The following STIL variants were observed in gnomAD, a reference collection of about 807,000 sequenced individuals.
The protein encoded by STIL is STIL centriolar assembly protein.
STIL carries 55 observed loss-of-function variants against 110.1 expected under a neutral mutation model. That is an observed-to-expected ratio of 0.50 (90% CI 0.40 to 0.63). The LOEUF (loss-of-function observed/expected upper bound fraction) is 0.63. STIL is among the 20% of genes least tolerant of loss of function. The pLI is 0.00. For synonymous variants in STIL, 481 were observed against 530.0 expected (o/e 0.91, Z 1.27); for missense variants, 1,358 against 1,530.0 (o/e 0.89, Z 1.87).
intron 11 of STIL, among the ~76,000 whole-genome samples, chr1:47,281,770 T>C (rs1645164208): frequency 6.6e-6 from 1 of 152,170 alleles, no homozygotes; most frequent in South Asian, 2.1e-4. Flanking sequence ...TAATTTGATA[T>C]TAGCTTTAAA....
intron 11 of STIL, 36 bp from the exon 12 acceptor site, chr1:47,281,245 T>C (rs976425214): frequency 6.3e-7 from 1 of 1,589,366 alleles, no homozygotes; most frequent in Admixed American, 1.7e-5. Context: ...AAAAAGTATT[T>C]TTTTGGAGAA....
At chr1:47,289,167 T>C (rs1164135520) in intron 9 of STIL, among the ~76,000 whole-genome samples, 2 of 151,836 alleles carry the variant, frequency 1.3e-5, no homozygotes, top group Non-Finnish European at 2.9e-5. Flanking sequence ...ACTGATATAT[T>C]CTTCAAAGAT....
chr1:47,302,407 C>T lies in STIL; in HGVS notation c.153-61G>A. The T allele has an allele frequency of 7.6e-6, 9 of 1,184,602 alleles. No individual in the cohort carries two copies. In the South Asian group the frequency reaches 1.1e-4, roughly 15 times the overall value. The allele number at this position is 1,184,602 out of a possible 1,614,324, so 73.4% of individuals were successfully genotyped here. A position where few individuals can be genotyped will look rare whatever the true frequency, so the allele number is the denominator to read the frequency against. On this transcript the variant is annotated intron_variant, in intron 3 of 16. Transcript: ENST00000371877. ...CCTCATATCTTAAAAAAACCTCCTGCCATAAAATGCTGTCTAAATTATAAC... is the reference window on the plus strand; with the variant it reads ...CCTCATATCTTAAAAAAACCTCCTGTCATAAAATGCTGTCTAAATTATAAC...
chr1:47,272,992 C>T (rs1378003449), intron 12 of STIL, among the ~76,000 whole-genome samples: 1 of 152,092 alleles, frequency 6.6e-6, no homozygotes, highest in Admixed American at 6.5e-5. Context: ...TACTGAGCGC[C>T]TGTTGTTTGC....
chr1:47,307,946 T>C (rs577622395), intron 2 of STIL, among the ~76,000 whole-genome samples: 1 of 152,320 alleles, frequency 6.6e-6, no homozygotes, highest in South Asian at 2.1e-4. Context: ...CCCAGGCTTA[T>C]TAGGAAGAGG....
intron 10 of STIL, among the ~76,000 whole-genome samples, chr1:47,286,264 C>A (rs1417492672): frequency 6.6e-6 from 1 of 152,054 alleles, no homozygotes; most frequent in Non-Finnish European, 1.5e-5. Context: ...GCCTGCCCCC[C>A]ACCACTAGTT....
chr1:47,314,150 GGC>G (rs1388138072), upstream of STIL: 1 of 152,328 alleles, frequency 6.6e-6, no homozygotes, highest in Non-Finnish European at 1.5e-5. Flanking sequence ...CGGGAACTGA[GGC>G]GGCAAACACA....
At chr1:47,262,878 G>T in intron 15 of STIL, 25 bp downstream of exon 15, 4 of 1,607,038 alleles carry the variant, frequency 2.5e-6, no homozygotes, top group Non-Finnish European at 3.4e-6. Context: ...TTCTCAAAAA[G>T]ATGAAATGCT....
At chr1:47,276,835 A>C (rs926712925) in intron 12 of STIL, among the ~76,000 whole-genome samples, 1 of 151,036 alleles carries the variant, frequency 6.6e-6, no homozygotes. Context: ...AAAAAAAAAA[A>C]AAAACCATCT....
In STIL at chr1:47,251,052, G is replaced by A. The variant is rs1644168209; in HGVS notation, c.*84C>T. The stretch of plus-strand genomic sequence containing the variant: ...GAAACAGTGACTCCAGAATGATCAG[G>A]AGCCTTGTGGTAGGCTCCTGTTTTC... On this transcript the variant is annotated 3_prime_UTR_variant, in exon 17 of 17. Transcript: ENST00000371877. The A allele has an allele frequency of 9.6e-6, 13 of 1,350,516 alleles. No individual in the cohort carries two copies. The highest frequency in any genetic ancestry group is 1.2e-5 in the Non-Finnish European group (12 of 979,310). The allele number at this position is 1,350,516 out of a possible 1,614,324, so 83.7% of individuals were successfully genotyped here.
chr1:47,292,059 G>C (rs1482270208), intron 8 of STIL, among the ~76,000 whole-genome samples: 1 of 147,670 alleles, frequency 6.8e-6, no homozygotes, highest in Non-Finnish European at 1.5e-5. Flanking sequence ...ACAGAGTCTT[G>C]CTATGGTACC....
chr1:47,272,584 G>A (rs1644874381), intron 12 of STIL, among the ~76,000 whole-genome samples: 1 of 151,728 alleles, frequency 6.6e-6, no homozygotes, highest in Non-Finnish European at 1.5e-5. Flanking sequence ...GGGGTGGCTG[G>A]GATGACAGCC....
chr1:47,255,138 C>T (rs550884289), intron 16 of STIL, among the ~76,000 whole-genome samples: 15 of 151,650 alleles, frequency 9.9e-5, no homozygotes, highest in Non-Finnish European at 2.1e-4. Context: ...AAAAAAAAAT[C>T]AATAATACTC....
chr1:47,262,777 T>G, intron 15 of STIL, 126 bp downstream of exon 15: 1 of 814,242 alleles, frequency 1.2e-6, no homozygotes, highest in Non-Finnish European at 1.9e-6. Flanking sequence ...AAAATTACAT[T>G]GTTAATTAGA....
At chr1:47,286,315 T>A (rs923866652) in intron 10 of STIL, among the ~76,000 whole-genome samples, 5 of 152,146 alleles carry the variant, frequency 3.3e-5, no homozygotes, top group Non-Finnish European at 5.9e-5. Flanking sequence ...ATTTCAATAT[T>A]CCAACTTCAA....
intron 1 of STIL, chr1:47,312,831 T>C (rs1053082105): frequency 6.6e-6 from 1 of 152,184 alleles, no homozygotes; most frequent in Non-Finnish European, 1.5e-5. Flanking sequence ...GCAAAACATA[T>C]TCTCAGGTAA....
intron 3 of STIL, among the ~76,000 whole-genome samples, chr1:47,303,935 T>C (rs1272477063): frequency 6.6e-6 from 1 of 152,210 alleles, no homozygotes; most frequent in African/African-American, 2.4e-5. Flanking sequence ...TAATGTATAA[T>C]AGATGCCATT....
intron 16 of STIL, among the ~76,000 whole-genome samples, chr1:47,255,839 C>T (rs186435249): frequency 1.3e-5 from 2 of 152,332 alleles, no homozygotes; most frequent in Admixed American, 6.5e-5. Context: ...TTTAGACTCT[C>T]TTAATCTCTG....
chr1:47,302,608 G>C (rs1235732847), intron 3 of STIL, among the ~76,000 whole-genome samples: 1 of 152,158 alleles, frequency 6.6e-6, no homozygotes, highest in Non-Finnish European at 1.5e-5. Flanking sequence ...TCCTGTTTTT[G>C]TAAGTAAATT....
Sources: allele counts gnomAD v4.1 joint callset (sites outside exome capture counted in the v4.1 genomes callset), GRCh38; gene constraint gnomAD v4.1.1; transcripts MANE v1.5; gene names NCBI Gene and HGNC (gene_info 2026-07-23, HGNC 2026-07-21).